The following FLRT1 variants were observed in gnomAD, a reference collection of about 807,000 sequenced individuals.
The protein encoded by FLRT1 is fibronectin leucine rich transmembrane protein 1, also known as leucine-rich repeat transmembrane protein FLRT1.
Under a neutral mutation model 30.9 loss-of-function variants are expected in FLRT1, and 14 were observed. The ratio of observed to expected loss-of-function variants is 0.45; its 90% CI spans 0.30 to 0.71. FLRT1 has a LOEUF of 0.71. Ranked by LOEUF, FLRT1 falls within the 30% of genes least tolerant of loss-of-function variation. The pLI, the probability that FLRT1 is intolerant of heterozygous loss-of-function variation, is 0.08. For missense variants in FLRT1, 737 were observed against 949.2 expected, an observed-to-expected ratio of 0.78 and a Z score of 2.94; for synonymous variants, 368 against 430.4, an observed-to-expected ratio of 0.85 and a Z score of 1.80.
rs750148970 is a variant in FLRT1 at position 64,118,045 on chromosome 11, G to A, written c.1778G>A (p.Gly593Asp). ...LLTRERAYNR[G>D]SRKKDDYMES... ...ACCCGGGAGAGGGCCTACAACCGGGGCAGCAGGAAAAAGGATGACTATATG... is the reference window on the plus strand; with the variant it reads ...ACCCGGGAGAGGGCCTACAACCGGGACAGCAGGAAAAAGGATGACTATATG... The change falls in exon 3 of 3, where the codon GGC becomes GAC. Residue 593 changes from glycine to aspartate, a missense_variant. Coordinates refer to ENST00000682287, the MANE Select transcript of FLRT1 (RefSeq NM_013280.5). The A allele has an allele frequency of 9.9e-6, 16 of 1,613,560 alleles. No individual in the cohort carries two copies. The highest frequency in any genetic ancestry group is 1.6e-4 in the Middle Eastern group (1 of 6,062).
At chr11:64,041,769 C>G (rs1943491898) in intron 1 of FLRT1, among the ~76,000 whole-genome samples, 1 of 152,150 alleles carries the variant, frequency 6.6e-6, no homozygotes, top group South Asian at 2.1e-4. Flanking sequence ...TCTGGTCAGA[C>G]CAGAGGGGGC....
rs1945006098 is a variant in FLRT1, at chr11:64,117,313, T to C, written c.1046T>C (p.Val349Ala). The part of the protein sequence containing the change: ...LRDWVKARAA[V>A]VNVRGLMCQG... Reference sequence around the variant, plus strand: ...GACTGGGTGAAGGCACGGGCGGCCGTGGTCAACGTGCGGGGCCTCATGTGC... The same window carrying C: ...GACTGGGTGAAGGCACGGGCGGCCGCGGTCAACGTGCGGGGCCTCATGTGC... Residue 349 changes from valine to alanine, a missense_variant, in exon 3 of 3, where the codon GTG becomes GCG. By Grantham distance (64) the Val-to-Ala change is moderately conservative. Transcript: ENST00000682287. 2 of 1,614,070 alleles carry C rather than the reference T, an allele frequency of 1.2e-6. No individual in the cohort carries two copies. Among genetic ancestry groups the C allele is most frequent in the Non-Finnish European group, 1.7e-6 (2 of 1,180,000 alleles).
chr11:64,050,714 G>A (rs1943677322), intron 1 of FLRT1, among the ~76,000 whole-genome samples: 1 of 152,208 alleles, frequency 6.6e-6, no homozygotes, highest in Non-Finnish European at 1.5e-5. Context: ...TGCTTCCCGG[G>A]TTCAAGCGAT....
intron 1 of FLRT1, among the ~76,000 whole-genome samples, chr11:64,045,196 G>A (rs1265433400): frequency 4.0e-5 from 6 of 151,798 alleles, no homozygotes; most frequent in Non-Finnish European, 8.8e-5. Flanking sequence ...GCTGGGCCTC[G>A]CTGCCCGCTG....
At chr11:64,048,854 C>G (rs1442893708) in intron 1 of FLRT1, among the ~76,000 whole-genome samples, 31 of 152,224 alleles carry the variant, frequency 2.0e-4, no homozygotes, top group Non-Finnish European at 1.5e-5. Context: ...GGCACCAGGG[C>G]CATCCCATGG....
chr11:64,094,417 T>G (rs1235323523), intron 1 of FLRT1, among the ~76,000 whole-genome samples: 2 of 143,084 alleles, frequency 1.4e-5, no homozygotes, highest in Non-Finnish European at 1.5e-5. Context: ...GGCGACAGAG[T>G]GAGACTCCAA....
At chr11:64,106,458 A>C (rs1944765023) in intron 2 of FLRT1, among the ~76,000 whole-genome samples, 1 of 152,196 alleles carries the variant, frequency 6.6e-6, no homozygotes. Flanking sequence ...AAGGCAGACC[A>C]TGTCCTAACT....
chr11:64,066,300 A>C (rs1944005215), intron 1 of FLRT1, among the ~76,000 whole-genome samples: 3 of 150,014 alleles, frequency 2.0e-5, no homozygotes, highest in Admixed American at 6.6e-5. Context: ...GTCTCAAAAA[A>C]AAAAAAAAAA....
chr11:64,101,758 TTCCAGGGCCTGTGCCCCA>T (rs1350132780), intron 1 of FLRT1, among the ~76,000 whole-genome samples: 1 of 152,212 alleles, frequency 6.6e-6, no homozygotes, highest in Non-Finnish European at 1.5e-5. Flanking sequence ...ACCGTACCCC[TTCCAGGGCCTGTGCCCCA>T]CCTGTAGTAT....
chr11:64,066,912 G>A (rs556127744), intron 1 of FLRT1, among the ~76,000 whole-genome samples: 24 of 152,326 alleles, frequency 1.6e-4, no homozygotes, highest in Admixed American at 8.5e-4. Context: ...CTATAGCTCC[G>A]GAGCCCACGC....
intron 1 of FLRT1, among the ~76,000 whole-genome samples, chr11:64,061,085 C>T (rs1943894432): frequency 6.6e-6 from 1 of 152,208 alleles, no homozygotes; most frequent in Non-Finnish European, 1.5e-5. Flanking sequence ...TCCCAACCAC[C>T]TGAGAGCCTC....
rs142983936 is a variant in FLRT1, at chr11:64,079,839, C to T, written c.-1037-23355C>T. On this transcript the variant is annotated intron_variant, in intron 1 of 2. Transcript: ENST00000682287. ...CCACTTGGACCCCAGGAAGGAGCCA[C>T]AGGGAGCCAGCAACAGCTCCAGAGT... Among the ~76,000 whole-genome samples, 23 of 152,218 alleles carry T rather than the reference C, an allele frequency of 1.5e-4. 1 individual carries two copies. The highest frequency in any genetic ancestry group is 5.5e-4 in the African/African-American group (23 of 41,526).
chr11:64,113,015 C>T (rs1944890401), intron 2 of FLRT1, among the ~76,000 whole-genome samples: 1 of 152,182 alleles, frequency 6.6e-6, no homozygotes, highest in South Asian at 2.1e-4. Flanking sequence ...CATGAAAACA[C>T]CAGTCACCAA....
intron 2 of FLRT1, among the ~76,000 whole-genome samples, chr11:64,108,472 G>T (rs950012641): frequency 1.3e-5 from 2 of 152,194 alleles, no homozygotes; most frequent in Non-Finnish European, 2.9e-5. Flanking sequence ...GCACCAGGAA[G>T]CAGCGGCCTG....
intron 1 of FLRT1, among the ~76,000 whole-genome samples, chr11:64,058,760 G>T (rs1199569663): frequency 6.6e-6 from 1 of 152,246 alleles, no homozygotes; most frequent in Non-Finnish European, 1.5e-5. Context: ...AGCTTCTAGG[G>T]TGGCCAGACG....
intron 1 of FLRT1, among the ~76,000 whole-genome samples, chr11:64,094,207 T>G (rs897937443): frequency 1.3e-5 from 2 of 151,896 alleles, no homozygotes; most frequent in Non-Finnish European, 2.9e-5. Flanking sequence ...CCAAAGCGGG[T>G]GGAGCACAAG....
At chr11:64,074,264 G>T (rs965233169) in intron 1 of FLRT1, among the ~76,000 whole-genome samples, 4 of 152,200 alleles carry the variant, frequency 2.6e-5, no homozygotes, top group Admixed American at 2.6e-4. Flanking sequence ...TCTTTCTCAG[G>T]TGTGAGGCTC....
chr11:64,073,083 C>T (rs1944138430), intron 1 of FLRT1, among the ~76,000 whole-genome samples: 1 of 152,222 alleles, frequency 6.6e-6, no homozygotes, highest in Admixed American at 6.5e-5. Flanking sequence ...GTCCCTGCTC[C>T]AGGGTGCCCA....
intron 1 of FLRT1, among the ~76,000 whole-genome samples, chr11:64,055,509 G>A (rs1398810963): frequency 6.6e-6 from 1 of 152,198 alleles, no homozygotes. Flanking sequence ...TGCCCCATTA[G>A]GGGGCTAAAG....
Sources: allele counts gnomAD v4.1 joint callset (sites outside exome capture counted in the v4.1 genomes callset), GRCh38; gene constraint gnomAD v4.1.1; transcripts MANE v1.5; gene names NCBI Gene and HGNC (gene_info 2026-07-23, HGNC 2026-07-21).